Variants in ATG7 observed in about 807,000 individuals in gnomAD.
ATG7 encodes the protein autophagy related 7, also known as ubiquitin-like modifier-activating enzyme ATG7.
A neutral mutation model predicts 82.4 loss-of-function variants in ATG7; 70 were observed. The ratio of observed to expected loss-of-function variants is 0.85; its 90% CI spans 0.70 to 1.04. The LOEUF is 1.04. ATG7 is among the 50% of genes least tolerant of loss of function. ATG7 has a pLI of 0.00. For synonymous variants in ATG7, 287 were observed against 313.0 expected (o/e 0.92, Z 0.88); for missense variants, 792 against 864.3 (o/e 0.92, Z 1.05).
chr3:11,392,223 T>C (rs1576005118), intron 19 of ATG7, among the ~76,000 whole-genome samples: 1 of 152,126 alleles, frequency 6.6e-6, no homozygotes, highest in East Asian at 1.9e-4. Context: ...ACAAACATAG[T>C]TCATCTCCCA....
At chr3:11,396,155 G>C (rs1458357302) in intron 19 of ATG7, among the ~76,000 whole-genome samples, 1 of 151,238 alleles carries the variant, frequency 6.6e-6, no homozygotes, top group Non-Finnish European at 1.5e-5. Context: ...TAAAGATGGG[G>C]ATAACTCTAG....
chr3:11,519,660 C>T (rs150454282), intron 20 of ATG7, among the ~76,000 whole-genome samples: 6,188 of 147,452 alleles, frequency 0.042, 432 homozygotes, highest in African/African-American at 0.14. Context: ...CCCAGATTCA[C>T]GCCATTCTCC....
chr3:11,457,901 G>A (rs534196704), intron 20 of ATG7, among the ~76,000 whole-genome samples: 1 of 152,236 alleles, frequency 6.6e-6, no homozygotes, highest in South Asian at 2.1e-4. Flanking sequence ...CCTCAGGACC[G>A]GACCTAGTGC....
chr3:11,511,957 T>A (rs548652269), intron 20 of ATG7, among the ~76,000 whole-genome samples: 2 of 152,040 alleles, frequency 1.3e-5, no homozygotes, highest in Non-Finnish European at 2.9e-5. Flanking sequence ...CATGCAGCCC[T>A]GGTTCCCGCT....
intron 7 of ATG7, among the ~76,000 whole-genome samples, chr3:11,310,151 T>C (rs1402805501): frequency 6.6e-6 from 1 of 151,182 alleles, no homozygotes; most frequent in Non-Finnish European, 1.5e-5. Context: ...GACAACAGAG[T>C]GAGACCCTGT....
rs115721700 is a variant in ATG7, at chr3:11,275,802, G to A, written c.-366+3372G>A. Among the ~76,000 whole-genome samples the A allele has an allele frequency of 4.6e-3, 701 of 152,252 alleles. 7 individuals are homozygous for A. The highest frequency in any genetic ancestry group is 0.016 in the African/African-American group (665 of 41,546). On this transcript the variant is annotated intron_variant, in intron 1 of 20. Transcript: ENST00000693202. ...CATGATCTTGGCAGACTGAGGAATA[G>A]CCTATTCACTCCATCTCAGACCGGC... is the stretch of plus-strand genomic sequence containing the variant.
At chr3:11,475,909 C>CACACACACG in intron 20 of ATG7, among the ~76,000 whole-genome samples, 1 of 104,796 alleles carries the variant, frequency 9.5e-6, no homozygotes, top group East Asian at 3.3e-4. Context: ...ACACACACAC[C>CACACACACG]CCCTCCCAGA....
At chr3:11,281,333 C>T (rs1302456260) in intron 2 of ATG7, among the ~76,000 whole-genome samples, 1 of 152,220 alleles carries the variant, frequency 6.6e-6, no homozygotes, top group Non-Finnish European at 1.5e-5. Context: ...CAACATTTCT[C>T]TAACTAAAGG....
intron 20 of ATG7, 147 bp downstream of exon 20, chr3:11,427,073 A>C (rs1168227818): frequency 1.9e-6 from 2 of 1,080,956 alleles, no homozygotes; most frequent in Non-Finnish European, 2.5e-6. Flanking sequence ...GTTACCAGAG[A>C]ACGAATAACC....
At chr3:11,471,249 CA>C (rs569839583) in intron 20 of ATG7, among the ~76,000 whole-genome samples, 52 of 152,272 alleles carry the variant, frequency 3.4e-4, no homozygotes, top group African/African-American at 1.2e-3. Flanking sequence ...CCGCTGGCCC[CA>C]GCTTCCTCTC....
chr3:11,394,640 A>G (rs1263760179), intron 19 of ATG7, among the ~76,000 whole-genome samples: 1 of 152,174 alleles, frequency 6.6e-6, no homozygotes, highest in African/African-American at 2.4e-5. Flanking sequence ...TTGGAACTCT[A>G]TCAAGAGATA....
At chr3:11,510,212 A>G (rs762307612) in intron 20 of ATG7, 23 of 456,522 alleles carry the variant, frequency 5.0e-5, no homozygotes, top group South Asian at 3.6e-4. Flanking sequence ...CCGGCCCAAG[A>G]ATGGCACCTT....
intron 18 of ATG7, among the ~76,000 whole-genome samples, chr3:11,373,665 C>G (rs1278881202): frequency 1.3e-5 from 2 of 152,198 alleles, no homozygotes; most frequent in East Asian, 3.8e-4. Flanking sequence ...AAGGACAAAT[C>G]TTTTTAACTT....
chr3:11,561,132 C>G (rs189767679), downstream of ATG7, among the ~76,000 whole-genome samples: 505 of 152,270 alleles, frequency 3.3e-3, 2 homozygotes, highest in South Asian at 0.012. Context: ...GAGACCCCCC[C>G]CCAGGGTCCT....
chr3:11,390,026 G>A (rs2078664425), intron 19 of ATG7, among the ~76,000 whole-genome samples: 1 of 152,190 alleles, frequency 6.6e-6, no homozygotes, highest in Non-Finnish European at 1.5e-5. Context: ...GACCTTGAAG[G>A]GAGAGGGTAA....
chr3:11,470,008 A>AAAAAAAAG (rs1399975005), intron 20 of ATG7, among the ~76,000 whole-genome samples: 1 of 141,152 alleles, frequency 7.1e-6, no homozygotes, highest in Admixed American at 7.3e-5. Flanking sequence ...AAAAAAAAAA[A>AAAAAAAAG]AGAGAGAGAG....
chr3:11,513,170 C>G lies in ATG7; in HGVS notation c.2080-41641C>G, dbSNP rs569781961. On this transcript the variant is annotated intron_variant, in intron 20 of 20. Transcript: ENST00000693202. ...CCAAGTCCCCACCAGACTCAGGAGC[C>G]CAGCTGGCTTCACCCAGTGGATCCC... Among the ~76,000 whole-genome samples the G allele has an allele frequency of 2.6e-5, 4 of 152,374 alleles. No individual in the cohort carries two copies. The East Asian group carries it at 7.7e-4, about 29-fold the overall frequency.
the ATG7 span, chr3:11,564,910 T>G: frequency 6.2e-7 from 1 of 1,600,178 alleles, no homozygotes; most frequent in Admixed American, 1.7e-5. Flanking sequence ...GGGAGGGAGG[T>G]GTACAGGTGG....
At chr3:11,543,317 C>T (rs1350957716) in intron 20 of ATG7, among the ~76,000 whole-genome samples, 7 of 152,176 alleles carry the variant, frequency 4.6e-5, no homozygotes, top group Non-Finnish European at 8.8e-5. Flanking sequence ...GGACTGGCAG[C>T]AGGGGGCTGG....
Sources: gnomAD v4.1 joint callset for allele counts (sites outside exome capture counted in the v4.1 genomes callset) on GRCh38, gnomAD v4.1.1 for gene constraint, MANE v1.5 for transcripts, NCBI Gene and HGNC (gene_info 2026-07-23, HGNC 2026-07-21) for gene names.